Variants in KLHL13 observed in about 807,000 individuals in gnomAD.
The protein encoded by KLHL13 is kelch-like protein 13.
A neutral mutation model predicts 37.1 loss-of-function variants in KLHL13; 10 were observed. The observed-to-expected ratio is 0.27, with a 90% CI of 0.17 to 0.46. The LOEUF (loss-of-function observed/expected upper bound fraction) is 0.46, where lower values mean the gene tolerates loss of function less well. Ranked by LOEUF, KLHL13 falls within the 20% of genes least tolerant of loss-of-function variation. The probability of loss-of-function intolerance (pLI) is 1.00; values close to 1 mark genes in which losing one functional copy is unlikely to be tolerated. For missense variants in KLHL13, 360 were observed against 509.3 expected, an observed-to-expected ratio of 0.71 and a Z score of 2.82; for synonymous variants, 163 against 181.2, an observed-to-expected ratio of 0.90 and a Z score of 0.81.
chrX:118,083,256 G>C (rs1419604963), intron 1 of KLHL13, among the ~76,000 whole-genome samples: 1 of 111,303 alleles, frequency 9.0e-6, no homozygotes, highest in African/African-American at 3.3e-5. Flanking sequence ...GTATATATAT[G>C]TATCTATCAT....
intron 1 of KLHL13, among the ~76,000 whole-genome samples, chrX:118,007,370 C>CAAAAAAA: frequency 2.1e-5 from 1 of 46,612 alleles, no homozygotes; most frequent in Non-Finnish European, 4.7e-5. Context: ...GAGACCCTGT[C>CAAAAAAA]AAAAAAAAAA....
chrX:118,033,394 T>G (rs1602670203), intron 1 of KLHL13, among the ~76,000 whole-genome samples: 1 of 111,607 alleles, frequency 9.0e-6, no homozygotes, highest in African/African-American at 3.3e-5. Context: ...AGCAGATCTC[T>G]CGGCAGAAAC....
At chrX:118,030,153 C>T (rs2054320759) in intron 1 of KLHL13, among the ~76,000 whole-genome samples, 1 of 110,983 alleles carries the variant, frequency 9.0e-6, no homozygotes, top group Admixed American at 9.6e-5. Context: ...TTCTAAAAAG[C>T]AAATAAATCA....
At position 117,953,305 on chromosome X, in the gene KLHL13, A is replaced by G. The variant is rs185399152; in HGVS notation, c.99-7730T>C. ...TCATTCTCAGTAAACTATCGCAAGG[A>G]AAAAAACCAAACACCGCATGTTCTC... On this transcript the variant is annotated intron_variant, in intron 1 of 6. Transcript: ENST00000262820. Among the ~76,000 whole-genome samples the G allele has an allele frequency of 1.4e-3, 154 of 110,762 alleles. 1 individual carries two copies. Among genetic ancestry groups the G allele is most frequent in the African/African-American group, 3.8e-3 (117 of 30,441 alleles).
chrX:117,944,734 A>G (rs942117592), intron 2 of KLHL13, among the ~76,000 whole-genome samples: 45 of 111,790 alleles, frequency 4.0e-4, no homozygotes, highest in African/African-American at 1.4e-3. Flanking sequence ...TCTCTAATTC[A>G]GCAATGCCCA....
At chrX:117,990,184 G>A (rs1402736331) in intron 1 of KLHL13, among the ~76,000 whole-genome samples, 1 of 111,558 alleles carries the variant, frequency 9.0e-6, no homozygotes, top group East Asian at 2.8e-4. Flanking sequence ...TACCTAAATG[G>A]CTCCTTTTGA....
At chrX:117,904,303 T>C (rs1024059666) in intron 5 of KLHL13, among the ~76,000 whole-genome samples, 1 of 111,742 alleles carries the variant, frequency 8.9e-6, no homozygotes, top group Non-Finnish European at 1.9e-5. Context: ...TAAAATAAAA[T>C]ACATCTAATT....
chrX:117,976,703 T>C (rs1026011252), upstream of KLHL13, among the ~76,000 whole-genome samples: 4 of 112,062 alleles, frequency 3.6e-5, no homozygotes, highest in South Asian at 3.7e-4. Flanking sequence ...TTATGTACAA[T>C]TGCATAAAAC....
At position 117,919,503 on chromosome X, in the gene KLHL13, G is replaced by T; in HGVS notation, c.570+18C>A. 1 of 1,172,950 alleles carries T rather than the reference G, an allele frequency of 8.5e-7. No individual in the cohort carries two copies. The highest frequency in any genetic ancestry group is 1.2e-6 in the Non-Finnish European group (1 of 862,809). On this transcript the variant is annotated intron_variant, in intron 4 of 6. Transcript: ENST00000262820. ...TCAGAGTCTACCACAGGAAAAATCAGATTTCAAAATATCTTACCCCAGATA... is the reference window on the plus strand; with the variant it reads ...TCAGAGTCTACCACAGGAAAAATCATATTTCAAAATATCTTACCCCAGATA...
At chrX:118,025,890 A>C (rs1184959312) in intron 1 of KLHL13, among the ~76,000 whole-genome samples, 3 of 112,135 alleles carry the variant, frequency 2.7e-5, no homozygotes, top group Non-Finnish European at 5.6e-5. Flanking sequence ...AGTGTATGAA[A>C]AGTGCTTAGT....
intron 1 of KLHL13, among the ~76,000 whole-genome samples, chrX:118,106,414 C>A: frequency 9.0e-6 from 1 of 111,183 alleles, no homozygotes; most frequent in South Asian, 3.8e-4. Flanking sequence ...AGCTAATGAC[C>A]TAATGGTAGA....
chrX:117,983,511 A>T, intron 1 of KLHL13: 1 of 1,150,894 alleles, frequency 8.7e-7, no homozygotes, highest in Non-Finnish European at 1.2e-6. Flanking sequence ...ATATCCTTGA[A>T]ATCGGCTTGT....
chrX:117,950,698 C>T (rs1169123774), intron 1 of KLHL13, among the ~76,000 whole-genome samples: 4 of 112,102 alleles, frequency 3.6e-5, no homozygotes, highest in Non-Finnish European at 7.5e-5. Context: ...TGACTATCCA[C>T]TACCCAACCC....
intron 2 of KLHL13, among the ~76,000 whole-genome samples, chrX:117,932,499 C>T (rs1443313998): frequency 8.9e-6 from 1 of 111,920 alleles, no homozygotes; most frequent in Non-Finnish European, 1.9e-5. Flanking sequence ...TCCATACTGC[C>T]ACAAATTACA....
Position 118,011,076 on chromosome X carries a change from A to T in KLHL13, c.-55-65501T>A, listed in dbSNP as rs146943245. ...TGACAGAGTGAGACACTGTCTCAAA[A>T]TAAATAAATAAATAAATAAATAAAT... On this transcript the variant is annotated intron_variant, in intron 1 of 6. Coordinates refer to the KLHL13 transcript ENST00000371882. 3.1e-3 allele frequency among the ~76,000 whole-genome samples: 328 copies of T among 106,428 alleles called. 3 individuals are homozygous for T. Among genetic ancestry groups the T allele is most frequent in the African/African-American group, 9.5e-3 (270 of 28,560 alleles). The allele number at this position is 106,428 out of a possible 115,157, so 92.4% of individuals were successfully genotyped here. A position where few individuals can be genotyped will look rare whatever the true frequency, so the allele number is the denominator to read the frequency against.
At chrX:118,090,080 CAAAA>C (rs55679488) in intron 1 of KLHL13, among the ~76,000 whole-genome samples, 562 of 53,653 alleles carry the variant, frequency 0.01, 8 homozygotes, top group African/African-American at 0.03. Context: ...GACTCTGTCT[CAAAA>C]AAAAAAAAAA....
intron 1 of KLHL13, among the ~76,000 whole-genome samples, chrX:117,951,242 G>A (rs760216366): frequency 2.7e-5 from 3 of 110,962 alleles, no homozygotes; most frequent in Non-Finnish European, 3.8e-5. Flanking sequence ...AATAAGCCTG[G>A]CATTTTTGTT....
rs192073846 is a variant in KLHL13, at chrX:118,022,633, T to G, written c.-55-77058A>C. Among the ~76,000 whole-genome samples the G allele has an allele frequency of 7.2e-3, 812 of 112,326 alleles. 16 individuals carry two copies. Among genetic ancestry groups the G allele is most frequent in the Non-Finnish European group, 9.3e-3 (497 of 53,271 alleles). On this transcript the variant is annotated intron_variant, in intron 1 of 6. Coordinates refer to the KLHL13 transcript ENST00000371882. Reference sequence around the variant, plus strand: ...ATGCCTGTTGGCCATTTTTATGTATTATTTTTTAAAATATATCTATTCAGG... The same window carrying G: ...ATGCCTGTTGGCCATTTTTATGTATGATTTTTTAAAATATATCTATTCAGG...
intron 1 of KLHL13, among the ~76,000 whole-genome samples, chrX:118,094,541 G>A (rs1044907935): frequency 5.4e-5 from 6 of 110,338 alleles, no homozygotes; most frequent in African/African-American, 1.3e-4. Flanking sequence ...TACAGAGAAC[G>A]TCACAAAGAT....
Sources: gnomAD v4.1 joint callset for allele counts (sites outside exome capture counted in the v4.1 genomes callset) on GRCh38, gnomAD v4.1.1 for gene constraint, MANE v1.5 for transcripts, NCBI Gene and HGNC (gene_info 2026-07-23, HGNC 2026-07-21) for gene names.